Variants in NR3C1 observed in about 807,000 individuals in gnomAD.
The protein encoded by NR3C1 is nuclear receptor subfamily 3 group C member 1, also known as glucocorticoid receptor.
A neutral mutation model predicts 74.0 loss-of-function variants in NR3C1; 14 were observed. The ratio of observed to expected loss-of-function variants is 0.19; its 90% CI spans 0.12 to 0.30. NR3C1 has a LOEUF of 0.30. Among genes scored for constraint, NR3C1 ranks in the 10% least tolerant of loss-of-function variants. The probability of loss-of-function intolerance (pLI) is 1.00; values close to 1 mark genes in which losing one functional copy is unlikely to be tolerated. For synonymous variants in NR3C1, 308 were observed against 332.5 expected (o/e 0.93, Z 0.80); for missense variants, 695 against 909.8 (o/e 0.76, Z 3.04).
intron 2 of NR3C1, among the ~76,000 whole-genome samples, chr5:143,370,819 GGAAGA>G (rs1348271082): frequency 6.6e-6 from 1 of 152,186 alleles, no homozygotes; most frequent in African/African-American, 2.4e-5. Context: ...AAAGTTTAAA[GGAAGA>G]GAAATTAGGT....
At chr5:143,434,042 T>C (rs1752001057) in intron 1 of NR3C1, among the ~76,000 whole-genome samples, 1 of 152,188 alleles carries the variant, frequency 6.6e-6, no homozygotes, top group African/African-American at 2.4e-5. Flanking sequence ...CCCTGCCCCT[T>C]GAGTCTTCCA....
chr5:143,312,449 G>T (rs963110003), intron 3 of NR3C1, among the ~76,000 whole-genome samples: 1 of 152,090 alleles, frequency 6.6e-6, no homozygotes, highest in Non-Finnish European at 1.5e-5. Context: ...GCTTTGGCTA[G>T]TGTAGTAGTC....
chr5:143,404,148 G>A (rs1044345116), upstream of NR3C1: 13 of 985,256 alleles, frequency 1.3e-5, no homozygotes, highest in South Asian at 1.9e-4. Flanking sequence ...GGGTGACAGC[G>A]GGCGGGCCAC....
At chr5:143,380,807 T>C (rs1836079758) in intron 2 of NR3C1, among the ~76,000 whole-genome samples, 1 of 152,166 alleles carries the variant, frequency 6.6e-6, no homozygotes, top group African/African-American at 2.4e-5. Flanking sequence ...ATCAATTAGT[T>C]TGAAAGTTAT....
At chr5:143,354,537 G>A (rs142563575) in intron 2 of NR3C1, among the ~76,000 whole-genome samples, 8 of 152,282 alleles carry the variant, frequency 5.3e-5, no homozygotes, top group African/African-American at 1.9e-4. Flanking sequence ...GAGGGAGACA[G>A]ACAGGGAATG....
chr5:143,398,583 T>C (rs1032721261), intron 2 of NR3C1, among the ~76,000 whole-genome samples: 1 of 152,034 alleles, frequency 6.6e-6, no homozygotes, highest in Non-Finnish European at 1.5e-5. Flanking sequence ...AAAACTTCAA[T>C]AGTTACATAC....
At chr5:143,340,648 AT>A (rs1828029671) in intron 2 of NR3C1, among the ~76,000 whole-genome samples, 1 of 151,402 alleles carries the variant, frequency 6.6e-6, no homozygotes, top group South Asian at 2.1e-4. Context: ...ACGCCCAGCT[AT>A]TTTTTGTATT....
chr5:143,281,787 T>TA lies in NR3C1; in HGVS notation c.*101dup, dbSNP rs776865643. ...AAAACAAAACAACAGATGAAAACAA[T>TA]AAAAAATAAAACAACAAAACCTCTA... is the stretch of plus-strand genomic sequence containing the variant. On this transcript the variant is annotated 3_prime_UTR_variant, in exon 9 of 9. Coordinates refer to ENST00000394464, the MANE Select transcript of NR3C1 (RefSeq NM_000176.3). 3.6e-4 allele frequency: 458 copies of TA among 1,287,550 alleles called. No individual in the cohort carries two copies. Among genetic ancestry groups the TA allele is most frequent in the Non-Finnish European group, 4.7e-4 (424 of 905,110 alleles). 79.8% of individuals were successfully genotyped at this position (1,287,550 alleles called of 1,614,324 possible).
At position 143,334,600 on chromosome 5, in the gene NR3C1, A is replaced by G. The variant is rs10072193; in HGVS notation, c.1185-20432T>C. Among the ~76,000 whole-genome samples, 658 of 152,232 alleles carry G rather than the reference A, an allele frequency of 4.3e-3. 2 individuals carry two copies. The highest frequency in any genetic ancestry group is 0.015 in the African/African-American group (626 of 41,512). ...TTGTAGAAGGCTCCCTGAGACTCCT[A>G]CAGCAGTCGACCAAGCCCAAGGACA... On this transcript the variant is annotated intron_variant, in intron 2 of 8. Transcript: ENST00000394464.
chr5:143,363,751 T>C (rs1227220880), intron 2 of NR3C1, among the ~76,000 whole-genome samples: 1 of 151,924 alleles, frequency 6.6e-6, no homozygotes, highest in Non-Finnish European at 1.5e-5. Flanking sequence ...ATAACTGAAA[T>C]GAAAAATTCT....
rs369974413 is a variant in NR3C1 at position 143,323,592 on chromosome 5, T to A, written c.1185-9424A>T. Among the ~76,000 whole-genome samples the A allele has an allele frequency of 4.6e-5, 7 of 152,252 alleles. No individual in the cohort carries two copies. In the East Asian group the frequency reaches 9.6e-4, roughly 21 times the overall value. Reference sequence around the variant, plus strand: ...CCACCCCTGGCCCCTCCAAATCTCATGTCCTCACATTTCAAAACCAATCAT... The same window carrying A: ...CCACCCCTGGCCCCTCCAAATCTCAAGTCCTCACATTTCAAAACCAATCAT... On this transcript the variant is annotated intron_variant, in intron 2 of 8. Transcript: ENST00000394464.
intron 4 of NR3C1, among the ~76,000 whole-genome samples, chr5:143,306,310 T>G (rs928010828): frequency 6.6e-6 from 1 of 152,178 alleles, no homozygotes; most frequent in Non-Finnish European, 1.5e-5. Context: ...TCGAAACTGC[T>G]TGGCTTAGGG....
Position 143,400,986 on chromosome 5 carries a change from CAGAAG to C in NR3C1, c.-13-139_-13-135del, listed in dbSNP as rs1840162637. 4.0e-6 allele frequency: 3 copies of C among 743,144 alleles called. No homozygotes were observed. The African/African-American group carries it at 5.2e-5, about 13-fold the overall frequency. The allele number at this position is 743,144 out of a possible 1,614,324, so 46.0% of individuals were successfully genotyped here. ...AACTCCGAATCAAATTCTTTGTTACCAGAAGAGTAGTTTCTATCTTCCAGAATAAA... is the reference window on the plus strand; with the variant it reads ...AACTCCGAATCAAATTCTTTGTTACCAGTAGTTTCTATCTTCCAGAATAAA... On this transcript the variant is annotated intron_variant, in intron 1 of 8. Transcript: ENST00000394464.
intron 4 of NR3C1, among the ~76,000 whole-genome samples, chr5:143,306,309 C>A (rs1055643528): frequency 1.3e-5 from 2 of 152,038 alleles, no homozygotes; most frequent in African/African-American, 4.8e-5. Flanking sequence ...ATCGAAACTG[C>A]TTGGCTTAGG....
intron 2 of NR3C1, among the ~76,000 whole-genome samples, chr5:143,388,686 TG>T (rs974548740): frequency 5.6e-4 from 86 of 152,326 alleles, no homozygotes; most frequent in African/African-American, 2.0e-3. Flanking sequence ...TGTGGGTATC[TG>T]GGGAAAGAAC....
chr5:143,332,278 A>G (rs1348674013), intron 2 of NR3C1, among the ~76,000 whole-genome samples: 2 of 151,850 alleles, frequency 1.3e-5, no homozygotes, highest in East Asian at 1.9e-4. Flanking sequence ...TAGCTGTACC[A>G]GGATTATTTT....
chr5:143,343,407 G>C (rs1034175969), intron 2 of NR3C1, among the ~76,000 whole-genome samples: 1 of 152,154 alleles, frequency 6.6e-6, no homozygotes, highest in African/African-American at 2.4e-5. Context: ...CTCTAACTCA[G>C]ATACATGATG....
chr5:143,368,803 A>T (rs746439134), intron 2 of NR3C1, among the ~76,000 whole-genome samples: 2 of 151,974 alleles, frequency 1.3e-5, no homozygotes, highest in African/African-American at 4.8e-5. Context: ...GTAATTTATT[A>T]AAAAAAAGAA....
chr5:143,335,440 T>A (rs1031482953), intron 2 of NR3C1, among the ~76,000 whole-genome samples: 1 of 152,234 alleles, frequency 6.6e-6, no homozygotes, highest in African/African-American at 2.4e-5. Context: ...ATTTGTCAAA[T>A]GAAGCTAAAT....
Sources: allele counts gnomAD v4.1 joint callset (sites outside exome capture counted in the v4.1 genomes callset), GRCh38; gene constraint gnomAD v4.1.1; transcripts MANE v1.5; gene names NCBI Gene and HGNC (gene_info 2026-07-23, HGNC 2026-07-21).